The following EBAG9 variants were observed in gnomAD, a reference collection of about 807,000 sequenced individuals.
EBAG9 encodes the protein receptor-binding cancer antigen expressed on SiSo cells.
A neutral mutation model predicts 30.9 loss-of-function variants in EBAG9; 16 were observed. The ratio of observed to expected loss-of-function variants is 0.52; its 90% CI spans 0.35 to 0.79. The LOEUF (loss-of-function observed/expected upper bound fraction) is 0.79, where lower values mean the gene tolerates loss of function less well. EBAG9 is among the 30% of genes least tolerant of loss of function. The pLI is 0.01. For synonymous variants in EBAG9, 93 were observed against 82.8 expected, an observed-to-expected ratio of 1.12 and a Z score of -0.67; for missense variants, 197 against 242.1, an observed-to-expected ratio of 0.81 and a Z score of 1.24.
chr8:109,558,742 T>C (rs576414914), intron 5 of EBAG9, among the ~76,000 whole-genome samples: 10 of 152,326 alleles, frequency 6.6e-5, no homozygotes, highest in African/African-American at 2.4e-4. Context: ...ATACCAAAAA[T>C]ATCTTACCAT....
intron 1 of EBAG9, among the ~76,000 whole-genome samples, chr8:109,546,822 T>C (rs1353284032): frequency 1.3e-5 from 2 of 152,206 alleles, no homozygotes; most frequent in Admixed American, 6.5e-5. Flanking sequence ...TCATTCAGTA[T>C]AATTATTCTG....
At chr8:109,545,078 T>G (rs993819792) in intron 1 of EBAG9, among the ~76,000 whole-genome samples, 2 of 151,974 alleles carry the variant, frequency 1.3e-5, no homozygotes, top group Non-Finnish European at 2.9e-5. Flanking sequence ...ATTTCAGCAC[T>G]TTGGGAGGCT....
intron 1 of EBAG9, among the ~76,000 whole-genome samples, chr8:109,547,584 C>T (rs1221491522): frequency 6.6e-6 from 1 of 151,590 alleles, no homozygotes; most frequent in Admixed American, 6.6e-5. Flanking sequence ...AGGTTCACGC[C>T]ATTCTCCTGC....
At chr8:109,551,565 A>G (rs534335995) in intron 2 of EBAG9, among the ~76,000 whole-genome samples, 38 of 152,324 alleles carry the variant, frequency 2.5e-4, no homozygotes, top group Admixed American at 1.9e-3. Flanking sequence ...ACATAGTGAT[A>G]GCATCTGTTG....
At chr8:109,546,314 GT>G (rs1470193948) in intron 1 of EBAG9, among the ~76,000 whole-genome samples, 1 of 152,118 alleles carries the variant, frequency 6.6e-6, no homozygotes, top group African/African-American at 2.4e-5. Context: ...GCAATAAACT[GT>G]ATATAATTAA....
chr8:109,564,633 A>G lies in EBAG9; in HGVS notation c.*74A>G. On this transcript the variant is annotated 3_prime_UTR_variant, in exon 7 of 7. Coordinates refer to ENST00000337573, the MANE Select transcript of EBAG9 (RefSeq NM_004215.5). ...ACCCAAGCAACATTTGTATGGATTT[A>G]AGAGTATTTTAAGAAGACATACTGC... The G allele has an allele frequency of 6.3e-7, 1 of 1,579,030 alleles. No homozygotes were observed. Among genetic ancestry groups the G allele is most frequent in the Non-Finnish European group, 8.6e-7 (1 of 1,161,700 alleles).
At chr8:109,559,455 C>T (rs1447110788) in intron 5 of EBAG9, among the ~76,000 whole-genome samples, 1 of 152,052 alleles carries the variant, frequency 6.6e-6, no homozygotes, top group Non-Finnish European at 1.5e-5. Context: ...GAGACCTTGT[C>T]TCAAACAAAA....
intron 1 of EBAG9, among the ~76,000 whole-genome samples, chr8:109,544,830 T>C (rs970405199): frequency 6.6e-6 from 1 of 152,206 alleles, no homozygotes; most frequent in African/African-American, 2.4e-5. Context: ...TTGAGGCTCT[T>C]AGTCGGGACA....
intron 1 of EBAG9, among the ~76,000 whole-genome samples, chr8:109,542,960 A>C (rs1821306801): frequency 6.6e-6 from 1 of 152,096 alleles, no homozygotes; most frequent in South Asian, 2.1e-4. Context: ...TGGAAATAGG[A>C]AAGAATATGG....
chr8:109,549,859 T>C (rs1389016653), intron 1 of EBAG9, among the ~76,000 whole-genome samples: 1 of 152,088 alleles, frequency 6.6e-6, no homozygotes, highest in African/African-American at 2.4e-5. Flanking sequence ...CTGTCTAACA[T>C]TGAAATAGTC....
chr8:109,554,353 T>C (rs942108999), intron 3 of EBAG9, among the ~76,000 whole-genome samples: 1 of 152,342 alleles, frequency 6.6e-6, no homozygotes, highest in Non-Finnish European at 1.5e-5. Context: ...CTTCATCTTA[T>C]TTAAATCCTG....
intron 4 of EBAG9, among the ~76,000 whole-genome samples, chr8:109,556,086 C>G (rs1330643611): frequency 1.3e-5 from 2 of 152,060 alleles, no homozygotes; most frequent in Non-Finnish European, 2.9e-5. Flanking sequence ...TTATTCCAGT[C>G]TACCTCACTA....
intron 1 of EBAG9, among the ~76,000 whole-genome samples, chr8:109,548,943 A>G (rs1002225604): frequency 2.2e-5 from 3 of 137,094 alleles, no homozygotes; most frequent in Non-Finnish European, 4.6e-5. Flanking sequence ...TACGATGTTG[A>G]CTAAAAGTAG....
intron 4 of EBAG9, among the ~76,000 whole-genome samples, 177 bp downstream of exon 4, chr8:109,555,064 A>T (rs1406947501): frequency 6.6e-6 from 1 of 151,596 alleles, no homozygotes; most frequent in African/African-American, 2.4e-5. Flanking sequence ...TACATGTGCC[A>T]TGTTGGTGTG....
rs1821474239 is a variant in EBAG9, at chr8:109,550,641, CTTG to C, written c.-15-166_-15-164del. 4 of 487,980 alleles carry C rather than the reference CTTG, an allele frequency of 8.2e-6. No individual in the cohort carries two copies. In the South Asian group the frequency reaches 9.4e-5, roughly 11 times the overall value. The allele number at this position is 487,980 out of a possible 1,614,324, so 30.2% of individuals were successfully genotyped here. ...GAAAACTCGAAAACCTGGTTTTTGA[CTTG>C]TTAATATGATTTAAATTATAATTTT... On this transcript the variant is annotated intron_variant, in intron 1 of 6. Coordinates refer to ENST00000337573, the MANE Select transcript of EBAG9 (RefSeq NM_004215.5).
Position 109,564,625 on chromosome 8 carries a change from A to G in EBAG9, c.*66A>G, listed in dbSNP as rs138671697. ...GCTCCACAACCCAAGCAACATTTGT[A>G]TGGATTTAAGAGTATTTTAAGAAGA... is the stretch of plus-strand genomic sequence containing the variant. On this transcript the variant is annotated 3_prime_UTR_variant, in exon 7 of 7. Coordinates refer to ENST00000337573, the MANE Select transcript of EBAG9 (RefSeq NM_004215.5). 299 of 1,595,242 alleles carry G rather than the reference A, an allele frequency of 1.9e-4. 3 individuals are homozygous for G. In the South Asian group the frequency reaches 2.0e-3, roughly 11 times the overall value.
At chr8:109,542,154 G>A (rs1175456231) in intron 1 of EBAG9, among the ~76,000 whole-genome samples, 2 of 152,110 alleles carry the variant, frequency 1.3e-5, no homozygotes, top group African/African-American at 4.8e-5. Context: ...GTTCATAGTA[G>A]ACAGTCAATG....
At chr8:109,548,231 G>A (rs893921244) in intron 1 of EBAG9, among the ~76,000 whole-genome samples, 5 of 151,912 alleles carry the variant, frequency 3.3e-5, no homozygotes, top group African/African-American at 1.2e-4. Context: ...AGTTTAACCA[G>A]CACTTTTTTT....
At chr8:109,543,886 C>T (rs542390752) in intron 1 of EBAG9, among the ~76,000 whole-genome samples, 9 of 151,964 alleles carry the variant, frequency 5.9e-5, no homozygotes, top group Non-Finnish European at 1.3e-4. Context: ...CAAAAATTAG[C>T]GGGTGTGGTG....
Sources: allele counts gnomAD v4.1 joint callset (sites outside exome capture counted in the v4.1 genomes callset), GRCh38; gene constraint gnomAD v4.1.1; transcripts MANE v1.5; gene names NCBI Gene and HGNC (gene_info 2026-07-23, HGNC 2026-07-21).